Variants in NCK2 observed in about 807,000 individuals in gnomAD.
The protein encoded by NCK2 is NCK adaptor protein 2.
In NCK2, 16 loss-of-function variants were observed where a neutral mutation model predicts 33.9. That is an observed-to-expected ratio of 0.47 (90% confidence interval 0.32 to 0.72). The LOEUF (loss-of-function observed/expected upper bound fraction) is 0.72. NCK2 is among the 30% of genes least tolerant of loss of function. NCK2 has a pLI of 0.03. For synonymous variants in NCK2, 273 were observed against 239.9 expected (o/e 1.14, Z -1.27); for missense variants, 418 against 537.3 (o/e 0.78, Z 2.19).
chr2:105,797,767 C>G (rs1691136021), intron 1 of NCK2, among the ~76,000 whole-genome samples: 1 of 152,358 alleles, frequency 6.6e-6, no homozygotes, highest in African/African-American at 2.4e-5. Flanking sequence ...TTGTGGCCTC[C>G]TGTCAGCTTT....
At chr2:105,887,703 C>T (rs554416574) in intron 4 of NCK2, among the ~76,000 whole-genome samples, 4 of 152,260 alleles carry the variant, frequency 2.6e-5, no homozygotes, top group East Asian at 3.9e-4. Context: ...AGTCTGTCCT[C>T]GGCATTCATT....
At chr2:105,835,397 ATATATATACG>A (rs1573179075) in intron 2 of NCK2, among the ~76,000 whole-genome samples, 25 of 97,352 alleles carry the variant, frequency 2.6e-4, no homozygotes, top group African/African-American at 4.5e-4. Flanking sequence ...ACATATATAT[ATATATATACG>A]TGTATATATA....
chr2:105,753,624 A>G (rs1296062752), intron 1 of NCK2, among the ~76,000 whole-genome samples: 1 of 152,126 alleles, frequency 6.6e-6, no homozygotes, highest in Non-Finnish European at 1.5e-5. Context: ...GGCTGAGAAA[A>G]CAGGAGTGTG....
intron 1 of NCK2, among the ~76,000 whole-genome samples, chr2:105,802,620 C>A (rs1674883962): frequency 6.6e-6 from 1 of 152,166 alleles, no homozygotes; most frequent in African/African-American, 2.4e-5. Context: ...ACCATCACTT[C>A]TTACAGGAAC....
chr2:105,827,234 C>T lies in NCK2; in HGVS notation c.-17+10621C>T, dbSNP rs370557834. The stretch of plus-strand genomic sequence containing the variant: ...CAGGATGGTCTCGATCTCCTGACCT[C>T]GTGATCTACCCGCCTTGGCCTCCCA... On this transcript the variant is annotated intron_variant, in intron 2 of 4. Transcript: ENST00000233154. 8.3e-4 allele frequency among the ~76,000 whole-genome samples: 126 copies of T among 152,242 alleles called. 2 individuals are homozygous for T. Among genetic ancestry groups the T allele is most frequent in the African/African-American group, 2.8e-3 (118 of 41,546 alleles).
chr2:105,864,425 A>G (rs373730963), intron 3 of NCK2, among the ~76,000 whole-genome samples: 2 of 152,032 alleles, frequency 1.3e-5, no homozygotes, highest in East Asian at 1.9e-4. Flanking sequence ...ATGACTCAAG[A>G]GTTTCCAGCC....
intron 1 of NCK2, among the ~76,000 whole-genome samples, chr2:105,747,969 G>T (rs1689340857): frequency 6.6e-6 from 1 of 152,092 alleles, no homozygotes; most frequent in Non-Finnish European, 1.5e-5. Flanking sequence ...TTCTTTTCCT[G>T]CATTTTCCTT....
At chr2:105,820,564 G>T (rs1675687923) in intron 2 of NCK2, among the ~76,000 whole-genome samples, 1 of 152,168 alleles carries the variant, frequency 6.6e-6, no homozygotes, top group Non-Finnish European at 1.5e-5. Context: ...TTGGGACCCT[G>T]CGGCTCTGAC....
intron 1 of NCK2, among the ~76,000 whole-genome samples, chr2:105,771,741 A>G (rs1690141462): frequency 6.6e-6 from 1 of 152,222 alleles, no homozygotes; most frequent in South Asian, 2.1e-4. Context: ...AAAGCTTTCT[A>G]GAAAAAGCAT....
chr2:105,791,877 A>G (rs1022986296), intron 1 of NCK2, among the ~76,000 whole-genome samples: 4 of 152,248 alleles, frequency 2.6e-5, no homozygotes, highest in Non-Finnish European at 2.9e-5. Context: ...TATCGAGTGA[A>G]CTGATTTTTC....
intron 1 of NCK2, among the ~76,000 whole-genome samples, chr2:105,748,497 A>G (rs1689359719): frequency 1.3e-5 from 2 of 151,864 alleles, no homozygotes; most frequent in South Asian, 4.2e-4. Context: ...CAATCTTCCC[A>G]CCTCAGGCAA....
rs1679078145 is a variant in NCK2, at chr2:105,893,363, C to CCCGG, written c.*194_*197dup. 1.9e-5 allele frequency: 11 copies of CCCGG among 569,372 alleles called. No homozygotes were observed. The East Asian group carries it at 3.1e-4, about 16-fold the overall frequency. The allele number at this position is 569,372 out of a possible 1,614,324, so 35.3% of individuals were successfully genotyped here. ...GGCCTCACACCCACACTCGAGCCCA[C>CCCGG]CCGGCCGGCCAGCTTTAGAGGAGGG... On this transcript the variant is annotated 3_prime_UTR_variant, in exon 5 of 5. Coordinates refer to ENST00000233154, the MANE Select transcript of NCK2 (RefSeq NM_003581.5).
At chr2:105,796,481 G>A (rs1691085692) in intron 1 of NCK2, among the ~76,000 whole-genome samples, 1 of 152,194 alleles carries the variant, frequency 6.6e-6, no homozygotes, top group South Asian at 2.1e-4. Context: ...GGGCATTGGA[G>A]CAGGGAGCAC....
At chr2:105,830,689 G>GTGTGTGTGTGTGTGTA (rs1676143357) in intron 2 of NCK2, among the ~76,000 whole-genome samples, 3 of 146,646 alleles carry the variant, frequency 2.0e-5, no homozygotes, top group African/African-American at 7.8e-5. Context: ...GTGTGTGTGT[G>GTGTGTGTGTGTGTGTA]TGTGTGTGTG....
rs1036918271 is a variant in NCK2, at chr2:105,763,146, C to T, written c.-201+18008C>T. Among the ~76,000 whole-genome samples, 10 of 152,092 alleles carry T rather than the reference C, an allele frequency of 6.6e-5. No homozygotes were observed. The South Asian group carries it at 1.5e-3, about 22-fold the overall frequency. ...CCAGAAGGCAGAGGTTGCAGTGAGC[C>T]GAGATCATGCCACCGCACTCCAGCC... On this transcript the variant is annotated intron_variant, in intron 1 of 4. Transcript: ENST00000233154.
At chr2:105,819,371 A>G (rs1262807577) in intron 2 of NCK2, among the ~76,000 whole-genome samples, 1 of 152,134 alleles carries the variant, frequency 6.6e-6, no homozygotes, top group African/African-American at 2.4e-5. Flanking sequence ...TTTTTAAAAC[A>G]GTCATTTGCA....
At chr2:105,883,290 T>C (rs1400254048) in intron 4 of NCK2, among the ~76,000 whole-genome samples, 1 of 152,224 alleles carries the variant, frequency 6.6e-6, no homozygotes, top group Non-Finnish European at 1.5e-5. Flanking sequence ...TTTTAGATCG[T>C]GTTTGAAGCC....
rs184620758 is a variant in NCK2 at position 105,893,996 on chromosome 2, C to G, written c.*820C>G. On this transcript the variant is annotated 3_prime_UTR_variant, in exon 5 of 5. Coordinates refer to ENST00000233154, the MANE Select transcript of NCK2 (RefSeq NM_003581.5). ...TACCAACACTTTATACACACACACA[C>G]GTGCACACACACACACACACACACT... 1.5e-5 allele frequency: 1 copy of G among 64,942 alleles called. No homozygotes were observed. Among genetic ancestry groups the G allele is most frequent in the Non-Finnish European group, 3.1e-5 (1 of 32,440 alleles). 4.0% of individuals were successfully genotyped at this position (64,942 alleles called of 1,614,324 possible).
intron 4 of NCK2, 54 bp downstream of exon 4, chr2:105,882,103 G>T: frequency 6.9e-7 from 1 of 1,455,246 alleles, no homozygotes; most frequent in Admixed American, 2.7e-5. Flanking sequence ...CGCCTTGCGC[G>T]GTGGGTCTGT....
Sources: allele counts gnomAD v4.1 joint callset (sites outside exome capture counted in the v4.1 genomes callset), GRCh38; gene constraint gnomAD v4.1.1; transcripts MANE v1.5; gene names NCBI Gene and HGNC (gene_info 2026-07-23, HGNC 2026-07-21).